TTC28: variants seen among roughly 807,000 people sequenced by gnomAD.
TTC28 encodes tetratricopeptide repeat domain 28.
Under a neutral mutation model 198.0 loss-of-function variants are expected in TTC28, and 61 were observed. That is an observed-to-expected ratio of 0.31 (90% CI 0.25 to 0.38). TTC28 has a LOEUF of 0.38. Among genes scored for constraint, TTC28 ranks in the 10% least tolerant of loss-of-function variants. TTC28 has a pLI of 1.00. For missense variants in TTC28, 2,678 were observed against 3,164.0 expected, an observed-to-expected ratio of 0.85 and a Z score of 3.69; for synonymous variants, 1,171 against 1,297.8, an observed-to-expected ratio of 0.90 and a Z score of 2.10.
At chr22:28,491,532 A>T (rs530020209) in intron 2 of TTC28, among the ~76,000 whole-genome samples, 1 of 152,286 alleles carries the variant, frequency 6.6e-6, no homozygotes, top group African/African-American at 2.4e-5. Flanking sequence ...CTGGCCATCA[A>T]AGAAATGCAA....
chr22:28,084,082 G>C (rs1407235820), intron 12 of TTC28, among the ~76,000 whole-genome samples: 2 of 152,326 alleles, frequency 1.3e-5, no homozygotes, highest in African/African-American at 2.4e-5. Flanking sequence ...TCCACCTCTG[G>C]GGGCAGGGCA....
intron 2 of TTC28, among the ~76,000 whole-genome samples, chr22:28,564,153 T>G (rs79632333): frequency 0.016 from 2,463 of 152,242 alleles, 89 homozygotes; most frequent in African/African-American, 0.057. Flanking sequence ...AGCAAATGCT[T>G]AATGCATATG....
intron 3 of TTC28, among the ~76,000 whole-genome samples, chr22:28,306,051 T>C (rs565414998): frequency 5.3e-5 from 8 of 152,330 alleles, no homozygotes; most frequent in African/African-American, 1.9e-4. Context: ...TGTATTTCTT[T>C]TATGAAATAT....
At chr22:28,243,518 G>A (rs1439424049) in intron 5 of TTC28, among the ~76,000 whole-genome samples, 1 of 151,458 alleles carries the variant, frequency 6.6e-6, no homozygotes, top group Non-Finnish European at 1.5e-5. Context: ...TTTAACCACA[G>A]GGAGTTTGAA....
chr22:28,442,117 T>A (rs535579765), intron 2 of TTC28, among the ~76,000 whole-genome samples: 1 of 148,590 alleles, frequency 6.7e-6, no homozygotes, highest in East Asian at 1.9e-4. Context: ...ACCGCTGGAT[T>A]TTTTTTTTTC....
At chr22:28,030,951 G>A (rs1939050250) in intron 12 of TTC28, among the ~76,000 whole-genome samples, 1 of 152,252 alleles carries the variant, frequency 6.6e-6, no homozygotes, top group Non-Finnish European at 1.5e-5. Flanking sequence ...GCAAACTTGA[G>A]AACTGCCGCT....
chr22:28,607,639 A>G (rs1040089102), intron 2 of TTC28, among the ~76,000 whole-genome samples: 3 of 152,168 alleles, frequency 2.0e-5, no homozygotes, highest in Non-Finnish European at 4.4e-5. Flanking sequence ...TGGAATAGGT[A>G]AGTAGAGGTT....
chr22:28,310,777 T>C (rs1320093699), intron 2 of TTC28, among the ~76,000 whole-genome samples: 1 of 151,998 alleles, frequency 6.6e-6, no homozygotes, highest in African/African-American at 2.4e-5. Context: ...TCAAATGTTA[T>C]AATTTAATTT....
intron 2 of TTC28, among the ~76,000 whole-genome samples, chr22:28,340,297 AAATGTGATCTTCTTTGCCTTT>A (rs2045809027): frequency 6.6e-6 from 1 of 152,146 alleles, no homozygotes; most frequent in South Asian, 2.1e-4. Flanking sequence ...CATTTCTATG[AAATGTGATCTTCTTTGCCTTT>A]AATTATTTAT....
chr22:28,045,672 G>A (rs1210844488), intron 12 of TTC28, among the ~76,000 whole-genome samples: 1 of 152,132 alleles, frequency 6.6e-6, no homozygotes, highest in Non-Finnish European at 1.5e-5. Context: ...ATCCAATAAA[G>A]AGTCATCCCA....
chr22:28,262,013 CAA>C (rs2147300751), intron 5 of TTC28, among the ~76,000 whole-genome samples: 1 of 152,236 alleles, frequency 6.6e-6, no homozygotes, highest in South Asian at 2.1e-4. Flanking sequence ...ACAGGGCCAA[CAA>C]AGTTTGTTAT....
intron 5 of TTC28, among the ~76,000 whole-genome samples, chr22:28,223,824 AT>A (rs1322703992): frequency 6.6e-6 from 1 of 152,246 alleles, no homozygotes; most frequent in Non-Finnish European, 1.5e-5. Context: ...AAAACCTGAC[AT>A]TATAAAGAAA....
chr22:28,128,127 G>A (rs923293869), intron 6 of TTC28, among the ~76,000 whole-genome samples: 2 of 152,080 alleles, frequency 1.3e-5, no homozygotes, highest in Non-Finnish European at 2.9e-5. Context: ...TTCAAGCGTT[G>A]GCTGTTCAGG....
At chr22:28,207,730 C>G in intron 5 of TTC28, among the ~76,000 whole-genome samples, 1 of 152,130 alleles carries the variant, frequency 6.6e-6, no homozygotes, top group Non-Finnish European at 1.5e-5. Flanking sequence ...GGAATGGTCT[C>G]TATTTTCTCT....
chr22:28,145,833 T>C (rs1943456358), intron 6 of TTC28, among the ~76,000 whole-genome samples: 1 of 152,224 alleles, frequency 6.6e-6, no homozygotes, highest in South Asian at 2.1e-4. Context: ...TGAGTGTTTA[T>C]TATGTGTCAT....
At chr22:28,616,216 C>A (rs1445419731) in intron 2 of TTC28, among the ~76,000 whole-genome samples, 1 of 152,154 alleles carries the variant, frequency 6.6e-6, no homozygotes, top group Non-Finnish European at 1.5e-5. Context: ...AAGTCCAAAT[C>A]TTCCAGTTAC....
chr22:28,138,854 T>C (rs737748), intron 6 of TTC28, among the ~76,000 whole-genome samples: 1 of 152,158 alleles, frequency 6.6e-6, no homozygotes, highest in African/African-American at 2.4e-5. Flanking sequence ...ATCAATATTG[T>C]TGAACTGAAC....
intron 12 of TTC28, among the ~76,000 whole-genome samples, chr22:28,076,955 T>C (rs772582361): frequency 6.6e-6 from 1 of 152,188 alleles, no homozygotes; most frequent in Non-Finnish European, 1.5e-5. Flanking sequence ...CATCTATCTG[T>C]ATTCTGAAAA....
chr22:28,549,903 C>A (rs772984667), intron 2 of TTC28, among the ~76,000 whole-genome samples: 3 of 152,228 alleles, frequency 2.0e-5, no homozygotes, highest in Non-Finnish European at 4.4e-5. Context: ...TTATATCATA[C>A]CTTAAATCTC....
Sources: gnomAD v4.1 joint callset for allele counts (sites outside exome capture counted in the v4.1 genomes callset) on GRCh38, gnomAD v4.1.1 for gene constraint, MANE v1.5 for transcripts, NCBI Gene and HGNC (gene_info 2026-07-23, HGNC 2026-07-21) for gene names.